WDR87: variants seen among roughly 807,000 people sequenced by gnomAD.
WDR87 encodes the protein WD repeat domain 87.
A neutral mutation model predicts 83.3 loss-of-function variants in WDR87; 56 were observed. The observed-to-expected ratio is 0.67, with a 90% CI of 0.54 to 0.84. WDR87 has a LOEUF of 0.84. Among genes scored for constraint, WDR87 ranks in the 40% least tolerant of loss-of-function variants. The pLI, the probability that WDR87 is intolerant of heterozygous loss-of-function variation, is 0.00. For missense variants in WDR87, 2,939 were observed against 3,431.9 expected, an observed-to-expected ratio of 0.86 and a Z score of 3.59; for synonymous variants, 1,173 against 1,250.6, an observed-to-expected ratio of 0.94 and a Z score of 1.31.
chr19:37,895,533 C>T (rs1207621696), intron 3 of WDR87, 77 bp from the exon 4 acceptor site: 52 of 1,365,178 alleles, frequency 3.8e-5, no homozygotes, highest in Admixed American at 9.8e-5. Context: ...TTTGGGAGGC[C>T]GAGGCGGGTG....
Position 37,893,664 on chromosome 19 carries a change from G to A in WDR87, c.2039C>T (p.Pro680Leu), listed in dbSNP as rs1280619115. Residue 680 changes from proline to leucine, a missense_variant, in exon 4 of 6, where the codon CCA becomes CTA. This residue lies in a region of WDR87 where 553 missense variants were observed against 577.9 expected (regional missense o/e 0.96). Coordinates refer to ENST00000447313, the MANE Select transcript of WDR87 (RefSeq NM_001291088.2). The stretch of plus-strand genomic sequence containing the variant: ...AAAGGAAAGGCGAGTCAGCAGGGCT[G>A]GGGGAAGCAATTTTAAACAGGACAC... ...YLVSCLKLLP[P>L]ALLTRLSFMS... 2 of 1,552,118 alleles carry A rather than the reference G, an allele frequency of 1.3e-6. No homozygotes were observed. Among genetic ancestry groups the A allele is most frequent in the South Asian group, 2.4e-5 (2 of 84,062 alleles).
At position 37,894,450 on chromosome 19, in the gene WDR87, T is replaced by G; in HGVS notation, c.1253A>C (p.Asp418Ala). ...TACAAAGAGCTCCTCTTTACCTGGG[T>G]CGTAGGCCCAATCCACAGCCTGGTC... ...ILDQAVDWAYDPGKEELFVAT... is the reference protein window; with the variant it reads ...ILDQAVDWAYAPGKEELFVAT... Residue 418 changes from aspartate (D) to alanine (A), a missense_variant, in exon 4 of 6, where the codon GAC becomes GCC. This residue lies in a region of WDR87 where 553 missense variants were observed against 577.9 expected (regional missense o/e 0.96). Transcript: ENST00000447313. 6.4e-7 allele frequency: 1 copy of G among 1,551,646 alleles called. No homozygotes were observed. The highest frequency in any genetic ancestry group is 8.7e-7 in the Non-Finnish European group (1 of 1,146,990).
At chr19:37,896,722 G>A (rs1309670283) in intron 2 of WDR87, among the ~76,000 whole-genome samples, 7 of 152,078 alleles carry the variant, frequency 4.6e-5, no homozygotes, top group Admixed American at 1.3e-4. Flanking sequence ...AGGTTCAAGC[G>A]ATTCTCCTGC....
Position 37,889,871 on chromosome 19 carries a change from C to G in WDR87, c.3800G>C (p.Gly1267Ala). The change falls in exon 6 of 6, where the codon GGA (glycine) becomes GCA (alanine). Residue 1267 changes from glycine to alanine, a missense_variant. Physicochemically the swap from Gly to Ala is moderately conservative, Grantham distance 60 (BLOSUM62 0). Around this residue, in one of 3 missense-constraint regions of WDR87, gnomAD observed 2,160 missense variants for 2,533.1 expected, o/e 0.85. Coordinates refer to ENST00000447313, the MANE Select transcript of WDR87 (RefSeq NM_001291088.2). ...AGCGGTTGACCTGCGGCCAGATATT[C>G]CAGAGGCTCCCCGCCCTTGGATTTT... Reference protein sequence around the residue: ...KVKIQGRGASGISGRRSTAGD... With the variant: ...KVKIQGRGASAISGRRSTAGD... 1 of 1,551,740 alleles carries G rather than the reference C, an allele frequency of 6.4e-7. No homozygotes were observed. Among genetic ancestry groups the G allele is most frequent in the Non-Finnish European group, 8.7e-7 (1 of 1,147,010 alleles).
In WDR87 at chr19:37,888,773, T is replaced by G; in HGVS notation, c.4898A>C (p.Lys1633Thr). 1 of 1,551,896 alleles carries G rather than the reference T, an allele frequency of 6.4e-7. No homozygotes were observed. Residue 1633 changes from lysine to threonine, a missense_variant, in exon 6 of 6, where the codon AAA (lysine) becomes ACA (threonine). By Grantham distance (78) the Lys-to-Thr change is moderately conservative. Coordinates refer to ENST00000447313, the MANE Select transcript of WDR87 (RefSeq NM_001291088.2). The part of the protein sequence containing the change: ...AEKKRAQEER[K>T]LAQEEEKLAQ... ...AAGTTTCTCTTCTTCTTGTGCTAAT[T>G]TCCTCTCTTCTTGGGCTCGTTTTTT...
Position 37,887,373 on chromosome 19 carries a change from T to A in WDR87, c.6298A>T (p.Lys2100Ter), listed in dbSNP as rs765764209. The A allele has an allele frequency of 1.4e-4, 216 of 1,551,594 alleles. No individual in the cohort carries two copies. Among genetic ancestry groups the A allele is most frequent in the Non-Finnish European group, 1.7e-4 (200 of 1,146,994 alleles). Residue 2100 changes from lysine to a stop codon, truncating the protein, a stop_gained, in exon 6 of 6, where the codon AAA becomes TAA. Transcript: ENST00000447313. LOFTEE classifies it low-confidence loss of function (END_TRUNC). The stretch of plus-strand genomic sequence containing the variant: ...TCCTTGGAAAGGCTCTCCCTTTTTT[T>A]AATCAACTTCCTTGAAGCCTTGGCT... ...KLAKASRKLI[K>*]KRESLSKEPA...
Position 37,893,628 on chromosome 19 carries a change from G to A in WDR87, c.2075C>T (p.Ser692Leu). Residue 692 changes from serine to leucine, a missense_variant, in exon 4 of 6, where the codon TCA becomes TTA. This residue lies in a region of WDR87 where 553 missense variants were observed against 577.9 expected (regional missense o/e 0.96). Coordinates refer to ENST00000447313, the MANE Select transcript of WDR87 (RefSeq NM_001291088.2). ...LLTRLSFMSI[S>L]DEVLEVPKPF... ...CTTAGGGACTTCCAGTACTTCATCT[G>A]ATATGCTCATAAAGGAAAGGCGAGT... 3 of 1,552,128 alleles carry A rather than the reference G, an allele frequency of 1.9e-6. No individual in the cohort carries two copies. The highest frequency in any genetic ancestry group is 2.6e-6 in the Non-Finnish European group (3 of 1,147,092).
In WDR87 at chr19:37,889,162, C is replaced by G; in HGVS notation, c.4509G>C (p.Trp1503Cys). The G allele has an allele frequency of 6.4e-7, 1 of 1,552,284 alleles. No individual in the cohort carries two copies. Among genetic ancestry groups the G allele is most frequent in the Non-Finnish European group, 8.7e-7 (1 of 1,147,126 alleles). Residue 1503 changes from tryptophan to cysteine, a missense_variant, in exon 6 of 6, where the codon TGG (tryptophan) becomes TGC (cysteine). Trp to Cys is a radical substitution (Grantham distance 215). This residue lies in a region of WDR87 where 2,160 missense variants were observed against 2,533.1 expected (regional missense o/e 0.85). Coordinates refer to ENST00000447313, the MANE Select transcript of WDR87 (RefSeq NM_001291088.2). ...CACCATGGACCTGTTTCCACTCATC[C>G]CAGGCCTTTTTCCAGTCCTGCCAAG... ...TPSWQDWKKA[W>C]DEWKQVHGET...
chr19:37,898,321 C>A lies in WDR87; in HGVS notation c.-46-36G>T, dbSNP rs2046271993. ...CCAAAAGAGCCCAGCTTAGTCACTG[C>A]CATTTTCCGAGAAGCTAGGAATCAG... On this transcript the variant is annotated intron_variant, in intron 1 of 5. Coordinates refer to ENST00000447313, the MANE Select transcript of WDR87 (RefSeq NM_001291088.2). 14 of 1,503,830 alleles carry A rather than the reference C, an allele frequency of 9.3e-6. No individual in the cohort carries two copies. The South Asian group carries it at 1.7e-4, about 18-fold the overall frequency. The allele number at this position is 1,503,830 out of a possible 1,614,324, so 93.2% of individuals were successfully genotyped here.
Position 37,891,676 on chromosome 19 carries a change from T to G in WDR87, c.3270A>C (p.Leu1090Phe), listed in dbSNP as rs2046206488. The part of the protein sequence containing the change: ...SHRDEKPAFS[L>F]DVSMPSELKS... ...TAAGTTCAGAAGGCATTGAGACATC[T>G]AAAGAAAAAGCCGGCTTTTCATCTC... Residue 1090 changes from leucine (L) to phenylalanine (F), a missense_variant, in exon 5 of 6, where the codon TTA becomes TTC. Leu to Phe is a conservative substitution (Grantham distance 22). This residue lies in a region of WDR87 where 2,160 missense variants were observed against 2,533.1 expected (regional missense o/e 0.85). Coordinates refer to ENST00000447313, the MANE Select transcript of WDR87 (RefSeq NM_001291088.2). 12 of 1,551,722 alleles carry G rather than the reference T, an allele frequency of 7.7e-6. No homozygotes were observed. Among genetic ancestry groups the G allele is most frequent in the Non-Finnish European group, 9.6e-6 (11 of 1,147,036 alleles).
Position 37,892,916 on chromosome 19 carries a change from C to A in WDR87, c.2787G>T (p.Met929Ile). ...NSMIETMLNI[M>I]VHASLLKYQC... is the part of the protein sequence containing the mutation. ...GGTACTTCAGCAAGGAAGCATGGAC[C>A]ATAATATTGAGCATTGTCTCAATCA... The change falls in exon 4 of 6, where the codon ATG (methionine) becomes ATT (isoleucine). Residue 929 changes from methionine (M) to isoleucine (I), a missense_variant. Coordinates refer to ENST00000447313, the MANE Select transcript of WDR87 (RefSeq NM_001291088.2). 6.4e-7 allele frequency: 1 copy of A among 1,552,040 alleles called. No homozygotes were observed. The highest frequency in any genetic ancestry group is 8.7e-7 in the Non-Finnish European group (1 of 1,147,068).
chr19:37,893,948 A>T lies in WDR87; in HGVS notation c.1755T>A (p.His585Gln), dbSNP rs2046230591. ...TCTGTGACCCAGAGGACAGAAAATCATGGAACTTCCAGAGACGCAGGCAGT... is the reference window on the plus strand; with the variant it reads ...TCTGTGACCCAGAGGACAGAAAATCTTGGAACTTCCAGAGACGCAGGCAGT... ...ETNCLRLWKF[H>Q]DFLSSGSQNG... is the part of the protein sequence containing the mutation. The change falls in exon 4 of 6, where the codon CAT becomes CAA. Residue 585 changes from histidine to glutamine, a missense_variant. Physicochemically the swap from His to Gln is conservative, Grantham distance 24. Around this residue, in one of 3 missense-constraint regions of WDR87, gnomAD observed 553 missense variants for 577.9 expected, o/e 0.96. Transcript: ENST00000447313. 6.4e-7 allele frequency: 1 copy of T among 1,551,902 alleles called. No individual in the cohort carries two copies. Among genetic ancestry groups the T allele is most frequent in the Non-Finnish European group, 8.7e-7 (1 of 1,147,036 alleles).
At chr19:37,897,008 T>C (rs944228325) in intron 2 of WDR87, among the ~76,000 whole-genome samples, 1 of 152,158 alleles carries the variant, frequency 6.6e-6, no homozygotes, top group Non-Finnish European at 1.5e-5. Context: ...TACATCACCT[T>C]ACGCACACAT....
chr19:37,902,497 C>A (rs924441357), intron 1 of WDR87, among the ~76,000 whole-genome samples: 1 of 152,164 alleles, frequency 6.6e-6, no homozygotes. Flanking sequence ...GGATTACAGG[C>A]GTGAGCCACC....
At chr19:37,891,066 G>GT (rs2046200578) in intron 5 of WDR87, among the ~76,000 whole-genome samples, 1 of 151,926 alleles carries the variant, frequency 6.6e-6, no homozygotes, top group Non-Finnish European at 1.5e-5. Context: ...TCTACATTAG[G>GT]TATTTCTCCT....
Position 37,889,390 on chromosome 19 carries a change from T to G in WDR87, c.4281A>C (p.Ser1427=). 1.3e-6 allele frequency: 2 copies of G among 1,551,582 alleles called. No homozygotes were observed. The highest frequency in any genetic ancestry group is 1.7e-6 in the Non-Finnish European group (2 of 1,147,008). ...GAAAGGTTTTCTTCTCTTCTTTCTT[T>G]GATATTTCTTTTCCCATGGTTACAT... ...PGNVTMGKEI[S]KKEEKKTFQK... The change falls in exon 6 of 6, where the codon TCA becomes TCC. Residue 1427 remains serine (S), a synonymous_variant. Transcript: ENST00000447313.
At chr19:37,904,792 G>A (rs888242961) in intron 1 of WDR87, among the ~76,000 whole-genome samples, 2 of 152,124 alleles carry the variant, frequency 1.3e-5, no homozygotes, top group South Asian at 2.1e-4. Context: ...GTATTCCACC[G>A]TGTGGCTGAA....
chr19:37,889,419 C>G lies in WDR87; in HGVS notation c.4252G>C (p.Gly1418Arg). ...KGKKVIFLEPGNVTMGKEISK... is the reference protein window; with the variant it reads ...KGKKVIFLEPRNVTMGKEISK... ...ATTTCTTTTCCCATGGTTACATTAC[C>G]TGGTTCTAAAAAAATAACTTTCTTG... The change falls in exon 6 of 6, where the codon GGT (glycine) becomes CGT (arginine). Residue 1418 changes from glycine (G) to arginine (R), a missense_variant. Around this residue, in one of 3 missense-constraint regions of WDR87, gnomAD observed 2,160 missense variants for 2,533.1 expected, o/e 0.85. Coordinates refer to ENST00000447313, the MANE Select transcript of WDR87 (RefSeq NM_001291088.2). 6.4e-7 allele frequency: 1 copy of G among 1,551,804 alleles called. No homozygotes were observed.
chr19:37,892,070 C>T (rs1434696629), intron 4 of WDR87, among the ~76,000 whole-genome samples: 2 of 151,988 alleles, frequency 1.3e-5, no homozygotes, highest in Non-Finnish European at 2.9e-5. Context: ...GAAGAAGTAG[C>T]GGACACATAG....
Sources: allele counts gnomAD v4.1 joint callset (sites outside exome capture counted in the v4.1 genomes callset), GRCh38; gene constraint gnomAD v4.1.1; regional missense constraint gnomAD v4.1.1; transcripts MANE v1.5; gene names NCBI Gene and HGNC (gene_info 2026-07-23, HGNC 2026-07-21).